CTNNA3: variants seen among roughly 807,000 people sequenced by gnomAD.
The protein encoded by CTNNA3 is catenin alpha 3.
In CTNNA3, 76 loss-of-function variants were observed where a neutral mutation model predicts 95.7. The observed-to-expected ratio is 0.79, with a 90% CI of 0.66 to 0.96. The LOEUF (loss-of-function observed/expected upper bound fraction) is 0.96, where lower values mean the gene tolerates loss of function less well. Among genes scored for constraint, CTNNA3 ranks in the 40% least tolerant of loss-of-function variants. The pLI, the probability that CTNNA3 is intolerant of heterozygous loss-of-function variation, is 0.00. For missense variants in CTNNA3, 1,191 were observed against 1,089.8 expected (o/e 1.09, Z -1.31); for synonymous variants, 431 against 374.4 (o/e 1.15, Z -1.74).
chr10:66,791,936 A>G (rs1840986856), intron 7 of CTNNA3, among the ~76,000 whole-genome samples: 1 of 151,102 alleles, frequency 6.6e-6, no homozygotes. Context: ...TGCAAAGTGT[A>G]TAATATTTCA....
chr10:66,310,628 T>C (rs530081201), intron 12 of CTNNA3, among the ~76,000 whole-genome samples: 1 of 152,072 alleles, frequency 6.6e-6, no homozygotes, highest in Non-Finnish European at 1.5e-5. Context: ...AGCAAATATT[T>C]ATTTCCCATT....
At chr10:66,288,115 A>G (rs2091621336) in intron 12 of CTNNA3, among the ~76,000 whole-genome samples, 1 of 152,132 alleles carries the variant, frequency 6.6e-6, no homozygotes, top group African/African-American at 2.4e-5. Context: ...CATAAATTGT[A>G]TATACAGATA....
rs867212315 is a variant in CTNNA3 at position 67,392,725 on chromosome 10, C to T, written c.579+129117G>A. ...TATACACCATGGAATACTATGCAGC[C>T]ATAAAAAATGATGAGTTCATGTCCT... On this transcript the variant is annotated intron_variant, in intron 5 of 17. Coordinates refer to ENST00000433211, the MANE Select transcript of CTNNA3 (RefSeq NM_013266.4). Among the ~76,000 whole-genome samples the T allele has an allele frequency of 1.9e-4, 29 of 152,192 alleles. No individual in the cohort carries two copies. The Middle Eastern group carries it at 0.01, about 54-fold the overall frequency.
chr10:67,469,204 T>C (rs746037004), intron 5 of CTNNA3, among the ~76,000 whole-genome samples: 5 of 152,192 alleles, frequency 3.3e-5, no homozygotes, highest in Non-Finnish European at 5.9e-5. Context: ...AAAGGAGACA[T>C]ACAGTGTTAT....
intron 11 of CTNNA3, among the ~76,000 whole-genome samples, chr10:66,517,977 T>C (rs913727361): frequency 6.6e-6 from 1 of 152,126 alleles, no homozygotes; most frequent in African/African-American, 2.4e-5. Context: ...TTCTAAATAA[T>C]GTTAGCCATG....
intron 13 of CTNNA3, among the ~76,000 whole-genome samples, chr10:66,123,202 A>G (rs1348234604): frequency 4.6e-5 from 7 of 152,220 alleles, no homozygotes; most frequent in African/African-American, 1.4e-4. Context: ...ATGGAGGTTC[A>G]GGCATTGGGT....
At chr10:67,627,366 A>G (rs1442292108) in intron 2 of CTNNA3, among the ~76,000 whole-genome samples, 1 of 152,206 alleles carries the variant, frequency 6.6e-6, no homozygotes, top group Non-Finnish European at 1.5e-5. Context: ...GGACAACTAG[A>G]GTAGGGACAA....
At chr10:66,641,602 A>C (rs1845518526) in intron 9 of CTNNA3, among the ~76,000 whole-genome samples, 1 of 152,180 alleles carries the variant, frequency 6.6e-6, no homozygotes, top group African/African-American at 2.4e-5. Flanking sequence ...ACTGAAGACA[A>C]GTTTATTCCT....
chr10:66,356,465 G>A (rs930727284), intron 12 of CTNNA3, among the ~76,000 whole-genome samples: 21 of 151,606 alleles, frequency 1.4e-4, no homozygotes, highest in African/African-American at 2.4e-5. Flanking sequence ...TTTGGTAACT[G>A]GTATTCTTTT....
intron 7 of CTNNA3, among the ~76,000 whole-genome samples, chr10:67,102,458 G>A (rs1858396111): frequency 6.6e-6 from 1 of 151,584 alleles, no homozygotes. Context: ...TTTATTTAGG[G>A]TAAATTTCAC....
rs572481961 is a variant in CTNNA3 at position 66,460,314 on chromosome 10, T to C, written c.1531+60303A>G. 9.2e-5 allele frequency among the ~76,000 whole-genome samples: 14 copies of C among 152,338 alleles called. No individual in the cohort carries two copies. In the East Asian group the frequency reaches 2.7e-3, roughly 29 times the overall value. ...AATGTAAATTAAGTACAGCACTTACTATACCATCTACTTTACCTGATAGCA... is the reference window on the plus strand; with the variant it reads ...AATGTAAATTAAGTACAGCACTTACCATACCATCTACTTTACCTGATAGCA... On this transcript the variant is annotated intron_variant, in intron 11 of 17. Coordinates refer to ENST00000433211, the MANE Select transcript of CTNNA3 (RefSeq NM_013266.4).
In CTNNA3 at chr10:66,691,131, G is replaced by A. The variant is rs535622884; in HGVS notation, c.1282-69347C>T. Among the ~76,000 whole-genome samples the A allele has an allele frequency of 4.7e-4, 71 of 152,282 alleles. No individual in the cohort carries two copies. In the East Asian group the frequency reaches 5.0e-3, roughly 11 times the overall value. ...CGCAGGACAGTGGGTGCAGTGCACC[G>A]TGCATGAGCTGAAGCAGGGCAAGGC... On this transcript the variant is annotated intron_variant, in intron 9 of 17. Transcript: ENST00000433211.
intron 13 of CTNNA3, among the ~76,000 whole-genome samples, chr10:66,129,468 T>C (rs777264642): frequency 6.6e-6 from 1 of 152,132 alleles, no homozygotes. Context: ...GGATTGTCTG[T>C]AGTGCAGCAT....
At chr10:66,357,284 A>G (rs1343065580) in intron 12 of CTNNA3, among the ~76,000 whole-genome samples, 1 of 152,168 alleles carries the variant, frequency 6.6e-6, no homozygotes, top group African/African-American at 2.4e-5. Context: ...TGCAACAGAT[A>G]GAGGACATTC....
intron 17 of CTNNA3, among the ~76,000 whole-genome samples, chr10:65,951,357 G>C (rs1468470307): frequency 6.6e-6 from 1 of 152,088 alleles, no homozygotes; most frequent in African/African-American, 2.4e-5. Flanking sequence ...TGAAGAAATG[G>C]ACCCAAAGAG....
chr10:65,966,782 G>T, intron 16 of CTNNA3, 36 bp from the exon 17 acceptor site: 1 of 1,528,788 alleles, frequency 6.5e-7, no homozygotes, highest in South Asian at 1.2e-5. Flanking sequence ...AGATACAGCA[G>T]AATAAATAAT....
At chr10:66,242,670 A>G (rs983549823) in intron 13 of CTNNA3, among the ~76,000 whole-genome samples, 7 of 152,200 alleles carry the variant, frequency 4.6e-5, no homozygotes, top group Non-Finnish European at 1.5e-5. Context: ...ACCCTTATGT[A>G]TTGCTCATGG....
chr10:67,756,568 TAAGAA>T (rs1318814792), intron 1 of CTNNA3, among the ~76,000 whole-genome samples: 1 of 152,118 alleles, frequency 6.6e-6, no homozygotes, highest in East Asian at 1.9e-4. Context: ...GCAAATGTGC[TAAGAA>T]AAAAATGGAC....
intron 4 of CTNNA3, among the ~76,000 whole-genome samples, chr10:67,531,794 G>A (rs1413496093): frequency 6.6e-6 from 1 of 152,128 alleles, no homozygotes; most frequent in Non-Finnish European, 1.5e-5. Flanking sequence ...ATCTTGAATT[G>A]TAACTCTCAC....
Sources: allele counts gnomAD v4.1 joint callset (sites outside exome capture counted in the v4.1 genomes callset), GRCh38; gene constraint gnomAD v4.1.1; transcripts MANE v1.5; gene names NCBI Gene and HGNC (gene_info 2026-07-23, HGNC 2026-07-21).